Variants in PCDH15 observed in about 807,000 individuals in gnomAD.
The protein encoded by PCDH15 is protocadherin-15.
PCDH15 carries 129 observed loss-of-function variants against 178.5 expected under a neutral mutation model. That is an observed-to-expected ratio of 0.72 (90% CI 0.63 to 0.84). PCDH15 has a LOEUF of 0.84. Ranked by LOEUF, PCDH15 falls within the 40% of genes least tolerant of loss-of-function variation. PCDH15 has a pLI of 0.00. For synonymous variants in PCDH15, 800 were observed against 732.0 expected (o/e 1.09, Z -1.50); for missense variants, 2,230 against 2,099.9 (o/e 1.06, Z -1.21).
intron 3 of PCDH15, among the ~76,000 whole-genome samples, chr10:54,866,777 T>C (rs202033083): frequency 2.0e-5 from 3 of 151,722 alleles, no homozygotes; most frequent in African/African-American, 7.3e-5. Flanking sequence ...AATGCAAAGA[T>C]AGACAGTAGG....
At chr10:53,895,937 G>A (rs573962922) in intron 26 of PCDH15, among the ~76,000 whole-genome samples, 4 of 152,136 alleles carry the variant, frequency 2.6e-5, no homozygotes, top group African/African-American at 9.7e-5. Context: ...TTGAACTGAG[G>A]TAGACCTAAC....
intron 9 of PCDH15, among the ~76,000 whole-genome samples, chr10:54,221,175 G>T (rs1373023663): frequency 1.3e-5 from 2 of 152,022 alleles, no homozygotes; most frequent in Non-Finnish European, 2.9e-5. Context: ...ATAATACGGT[G>T]AATTTCAGCA....
At chr10:55,336,092 A>G (rs1432135895) in intron 2 of PCDH15, among the ~76,000 whole-genome samples, 1 of 142,112 alleles carries the variant, frequency 7.0e-6, no homozygotes, top group African/African-American at 2.6e-5. Flanking sequence ...GTTTCAGCAC[A>G]TGCTATCCCA....
chr10:55,111,372 T>C (rs1387154733), intron 2 of PCDH15, among the ~76,000 whole-genome samples: 1 of 152,126 alleles, frequency 6.6e-6, no homozygotes, highest in African/African-American at 2.4e-5. Flanking sequence ...ATGAACAAAA[T>C]AAATTTGTCT....
chr10:55,502,421 G>A (rs1840676461), intron 2 of PCDH15, among the ~76,000 whole-genome samples: 1 of 151,568 alleles, frequency 6.6e-6, no homozygotes, highest in Non-Finnish European at 1.5e-5. Flanking sequence ...CTGAATTAAT[G>A]AAATACTTCT....
chr10:54,592,580 C>G (rs1426599806), intron 2 of PCDH15, among the ~76,000 whole-genome samples: 1 of 152,058 alleles, frequency 6.6e-6, no homozygotes, highest in Non-Finnish European at 1.5e-5. Context: ...GCCACATTTT[C>G]CTTATTCATT....
chr10:54,011,073 T>G (rs531499166), intron 20 of PCDH15, among the ~76,000 whole-genome samples: 1 of 152,018 alleles, frequency 6.6e-6, no homozygotes, highest in Admixed American at 6.6e-5. Context: ...ATCCTCAACC[T>G]CCCGTTCTTT....
chr10:54,853,318 T>TATACAC (rs1194965974), intron 3 of PCDH15, among the ~76,000 whole-genome samples: 26 of 102,052 alleles, frequency 2.5e-4, no homozygotes, highest in African/African-American at 6.0e-4. Context: ...TATATATATA[T>TATACAC]ACATACACAC....
rs767842117 is a variant in PCDH15, at chr10:54,664,215, G to A, written c.48C>T (p.Ile16=). Residue 16 remains isoleucine (I), a synonymous_variant, in exon 2 of 38, where the codon ATC becomes ATT. Coordinates refer to ENST00000644397, the MANE Select transcript of PCDH15 (RefSeq NM_001384140.1). ...YLWTCLASGI[I]LGSLFEICLG... is the part of the protein sequence containing the mutation. ...AGCAGATTTCAAAGAGAGAGCCCAGGATGATCCCTGAAGCTAAACATGTCC... is the reference window on the plus strand; with the variant it reads ...AGCAGATTTCAAAGAGAGAGCCCAGAATGATCCCTGAAGCTAAACATGTCC... 6.2e-7 allele frequency: 1 copy of A among 1,612,230 alleles called. No homozygotes were observed. Among genetic ancestry groups the A allele is most frequent in the Non-Finnish European group, 8.5e-7 (1 of 1,178,846 alleles).
upstream of PCDH15, among the ~76,000 whole-genome samples, chr10:55,320,236 G>A (rs546025684): frequency 1.4e-4 from 21 of 152,236 alleles, 1 homozygote; most frequent in African/African-American, 4.8e-4. Context: ...TTGCTGGTAT[G>A]AGTGCAAACT....
At chr10:55,603,705 G>C (rs1330134677) in intron 2 of PCDH15, among the ~76,000 whole-genome samples, 3 of 149,094 alleles carry the variant, frequency 2.0e-5, no homozygotes, top group African/African-American at 4.9e-5. Context: ...GAGAGATTTT[G>C]TCACCACCAG....
chr10:55,082,188 T>A (rs771044939), intron 2 of PCDH15, among the ~76,000 whole-genome samples: 1 of 151,960 alleles, frequency 6.6e-6, no homozygotes, highest in African/African-American at 2.4e-5. Context: ...ACAAAACAGG[T>A]CTTTAAAAAT....
intron 2 of PCDH15, chr10:54,575,307 A>AG (rs1165187922): frequency 1.3e-5 from 2 of 152,526 alleles, no homozygotes; most frequent in East Asian, 3.9e-4. Context: ...TAATAAAAAA[A>AG]AAAACTGAAA....
intron 1 of PCDH15, among the ~76,000 whole-genome samples, chr10:54,674,969 A>C (rs1182680585): frequency 6.6e-6 from 1 of 152,118 alleles, no homozygotes; most frequent in Non-Finnish European, 1.5e-5. Context: ...ATGCTTCACG[A>C]ATAATACACT....
intron 5 of PCDH15, among the ~76,000 whole-genome samples, chr10:54,358,953 T>C (rs909312600): frequency 7.1e-6 from 1 of 141,404 alleles, no homozygotes; most frequent in African/African-American, 2.6e-5. Context: ...TAGGTGGGAA[T>C]TGAACAATGA....
intron 8 of PCDH15, among the ~76,000 whole-genome samples, chr10:54,304,588 A>C (rs187482013): frequency 6.6e-6 from 1 of 152,192 alleles, no homozygotes; most frequent in East Asian, 1.9e-4. Context: ...GTACTTTGGT[A>C]AGCCATACAC....
At chr10:54,664,822 T>C (rs923951586) in intron 1 of PCDH15, among the ~76,000 whole-genome samples, 3 of 151,736 alleles carry the variant, frequency 2.0e-5, no homozygotes, top group Admixed American at 2.0e-4. Flanking sequence ...AAGGAAAATC[T>C]GTCAATTTTC....
intron 23 of PCDH15, among the ~76,000 whole-genome samples, chr10:53,949,881 G>A (rs960398701): frequency 3.9e-5 from 6 of 152,058 alleles, no homozygotes; most frequent in African/African-American, 1.4e-4. Context: ...TGAATGCCTT[G>A]ATTATAAATT....
intron 2 of PCDH15, among the ~76,000 whole-genome samples, chr10:54,611,229 T>C (rs1565739449): frequency 6.6e-6 from 1 of 151,776 alleles, no homozygotes; most frequent in Non-Finnish European, 1.5e-5. Flanking sequence ...GGAGTCCCCT[T>C]GCAAAATTTA....
Sources: allele counts gnomAD v4.1 joint callset (sites outside exome capture counted in the v4.1 genomes callset), GRCh38; gene constraint gnomAD v4.1.1; transcripts MANE v1.5; gene names NCBI Gene and HGNC (gene_info 2026-07-23, HGNC 2026-07-21).